The following CMYA5 variants were observed in gnomAD, a reference collection of about 807,000 sequenced individuals.
CMYA5 encodes cardiomyopathy-associated protein 5.
CMYA5 carries 246 observed loss-of-function variants against 318.9 expected under a neutral mutation model. The observed-to-expected ratio is 0.77, with a 90% confidence interval of 0.70 to 0.86. CMYA5 has a LOEUF of 0.86. Ranked by LOEUF, CMYA5 falls within the 40% of genes least tolerant of loss-of-function variation. The pLI, the probability that CMYA5 is intolerant of heterozygous loss-of-function variation, is 0.00. For missense variants in CMYA5, 4,589 were observed against 4,678.2 expected, an observed-to-expected ratio of 0.98 and a Z score of 0.56; for synonymous variants, 1,641 against 1,729.5, an observed-to-expected ratio of 0.95 and a Z score of 1.27.
At position 79,729,221 on chromosome 5, in the gene CMYA5, A is replaced by G. The variant is rs750886227; in HGVS notation, c.456A>G (p.Lys152=). ...SPSLRRKGNR[K]RNSFESQDVP... ...CATTACGCCGGAAAGGCAACAGAAA[A>G]AGAAATTCTTTTGAATCCCAAGATG... is the stretch of plus-strand genomic sequence containing the variant. The change falls in exon 2 of 13, where the codon AAA becomes AAG. Residue 152 remains lysine, a synonymous_variant. Coordinates refer to ENST00000446378, the MANE Select transcript of CMYA5 (RefSeq NM_153610.5). 1 of 1,613,020 alleles carries G rather than the reference A, an allele frequency of 6.2e-7. No homozygotes were observed. Among genetic ancestry groups the G allele is most frequent in the Non-Finnish European group, 8.5e-7 (1 of 1,179,656 alleles).
intron 1 of CMYA5, among the ~76,000 whole-genome samples, chr5:79,695,287 A>G (rs921965865): frequency 6.6e-6 from 1 of 152,248 alleles, no homozygotes; most frequent in Non-Finnish European, 1.5e-5. Flanking sequence ...GGTGAGCCAC[A>G]TATTTAATTT....
At chr5:79,757,116 A>T (rs1408714170) in intron 6 of CMYA5, among the ~76,000 whole-genome samples, 1 of 148,962 alleles carries the variant, frequency 6.7e-6, no homozygotes, top group Non-Finnish European at 1.5e-5. Flanking sequence ...AATTGATTGA[A>T]CCCAGGAGGT....
chr5:79,762,064 G>A (rs1828663782), intron 8 of CMYA5, 107 bp downstream of exon 8: 1 of 1,236,638 alleles, frequency 8.1e-7, no homozygotes, highest in African/African-American at 1.5e-5. Flanking sequence ...TGTGTTGAGT[G>A]TTGTGCAAAG....
At position 79,738,976 on chromosome 5, in the gene CMYA5, C is replaced by T; in HGVS notation, c.10211C>T (p.Pro3404Leu). Residue 3404 changes from proline (P) to leucine (L), a missense_variant, in exon 2 of 13, where the codon CCA becomes CTA. By Grantham distance (98) the Pro-to-Leu change is moderately conservative. This residue lies in a region of CMYA5 where 2,431 missense variants were observed against 2,495.1 expected (regional missense o/e 0.97). Transcript: ENST00000446378. ...CTAGAAGAACCTAAAATCCTGGTCCCACCTGAGCCAAGTGAAGAGAGGCTC... is the reference window on the plus strand; with the variant it reads ...CTAGAAGAACCTAAAATCCTGGTCCTACCTGAGCCAAGTGAAGAGAGGCTC... ...TSLEEPKILV[P>L]PEPSEERLRN... The T allele has an allele frequency of 1.2e-6, 2 of 1,613,868 alleles. No individual in the cohort carries two copies. Among genetic ancestry groups the T allele is most frequent in the Non-Finnish European group, 1.7e-6 (2 of 1,179,840 alleles).
intron 8 of CMYA5, 38 bp downstream of exon 8, chr5:79,761,995 C>T (rs201522128): frequency 1.9e-4 from 305 of 1,588,372 alleles, no homozygotes; most frequent in Non-Finnish European, 2.3e-4. Context: ...TAGAAGACAA[C>T]GCTCAGTTCT....
rs551925528 is a variant in CMYA5, at chr5:79,730,304, A to G, written c.1539A>G (p.Leu513=). 20 of 1,613,718 alleles carry G rather than the reference A, an allele frequency of 1.2e-5. 1 individual carries two copies. The highest frequency in any genetic ancestry group is 6.7e-5 in the African/African-American group (5 of 74,854). ...AGAAAGAAGAAATAGAAACTTCCCT[A>G]CCCATAGCTATTACCCCTGAACCTG... The part of the protein sequence containing the change: ...EPEKEEIETS[L]PIAITPEPED... Residue 513 remains leucine, a synonymous_variant, in exon 2 of 13, where the codon CTA becomes CTG. Coordinates refer to ENST00000446378, the MANE Select transcript of CMYA5 (RefSeq NM_153610.5).
intron 11 of CMYA5, 69 bp downstream of exon 11, chr5:79,791,138 G>T (rs1377059408): frequency 1.9e-6 from 2 of 1,075,660 alleles, no homozygotes; most frequent in East Asian, 4.9e-5. Flanking sequence ...TGTCGCCTCA[G>T]GGTGGCCTCC....
At chr5:79,795,804 AG>A in intron 12 of CMYA5, among the ~76,000 whole-genome samples, 1 of 152,258 alleles carries the variant, frequency 6.6e-6, no homozygotes, top group South Asian at 2.1e-4. Context: ...CAAGGGAGTA[AG>A]GGTCCTCAGT....
In CMYA5 at chr5:79,732,966, C is replaced by T. The variant is rs867350941; in HGVS notation, c.4201C>T (p.Pro1401Ser). ...AAAGGGTGAATTAGGAAGTGGTTTG[C>T]CACCACTGGTAACATCTGCAGATGA... Reference protein sequence around the residue: ...VGKGELGSGLPPLVTSADEHS... With the variant: ...VGKGELGSGLSPLVTSADEHS... The change falls in exon 2 of 13, where the codon CCA becomes TCA. Residue 1401 changes from proline to serine, a missense_variant. Around this residue, in one of 3 missense-constraint regions of CMYA5, gnomAD observed 2,132 missense variants for 2,131.3 expected, o/e 1.00. Transcript: ENST00000446378. 1 of 1,612,796 alleles carries T rather than the reference C, an allele frequency of 6.2e-7. No individual in the cohort carries two copies. Among genetic ancestry groups the T allele is most frequent in the Non-Finnish European group, 8.5e-7 (1 of 1,179,246 alleles).
intron 1 of CMYA5, among the ~76,000 whole-genome samples, chr5:79,723,238 A>G (rs1827676405): frequency 6.6e-6 from 1 of 152,008 alleles, no homozygotes; most frequent in Non-Finnish European, 1.5e-5. Flanking sequence ...CAGGAGTTTG[A>G]GACCAGCCTG....
intron 12 of CMYA5, among the ~76,000 whole-genome samples, chr5:79,795,449 G>A (rs550587034): frequency 6.6e-6 from 1 of 152,118 alleles, no homozygotes; most frequent in Non-Finnish European, 1.5e-5. Context: ...GAGTCTGCTG[G>A]TTTCCTTCCT....
chr5:79,727,292 G>C (rs1827769263), intron 1 of CMYA5, among the ~76,000 whole-genome samples: 2 of 152,118 alleles, frequency 1.3e-5, no homozygotes. Flanking sequence ...GTGAAGACCA[G>C]ACCCTCGTAC....
chr5:79,729,393 A>G lies in CMYA5; in HGVS notation c.628A>G (p.Lys210Glu), dbSNP rs1371221352. The G allele has an allele frequency of 6.2e-7, 1 of 1,613,942 alleles. No homozygotes were observed. The change falls in exon 2 of 13, where the codon AAA (lysine) becomes GAA (glutamate). Residue 210 changes from lysine to glutamate, a missense_variant. Physicochemically the swap from Lys to Glu is moderately conservative, Grantham distance 56 (BLOSUM62 1). Coordinates refer to ENST00000446378, the MANE Select transcript of CMYA5 (RefSeq NM_153610.5). The part of the protein sequence containing the change: ...NTPPITGAIY[K>E]EHKPLVLRPV... ...ACCTCCGATTACTGGGGCAATATAC[A>G]AAGAACACAAGCCATTAGTGTTAAG...
At chr5:79,690,206 G>A in intron 1 of CMYA5, 150 bp downstream of exon 1, 1 of 1,214,266 alleles carries the variant, frequency 8.2e-7, no homozygotes, top group Non-Finnish European at 1.1e-6. Context: ...AGAACTTGAA[G>A]GTGAAGGTGC....
chr5:79,747,294 A>G (rs1828348139), intron 5 of CMYA5, among the ~76,000 whole-genome samples, 181 bp downstream of exon 5: 1 of 152,214 alleles, frequency 6.6e-6, no homozygotes, highest in South Asian at 2.1e-4. Flanking sequence ...AGAAAACTGC[A>G]TGTGCTTTAG....
At chr5:79,791,156 A>G (rs369976609) in intron 11 of CMYA5, 87 bp downstream of exon 11, 20 of 800,404 alleles carry the variant, frequency 2.5e-5, no homozygotes, top group African/African-American at 1.4e-4. Context: ...TCCGCTGAGC[A>G]TATTCATGGT....
At chr5:79,750,986 G>A (rs1828418846) in intron 5 of CMYA5, among the ~76,000 whole-genome samples, 1 of 152,002 alleles carries the variant, frequency 6.6e-6, no homozygotes, top group African/African-American at 2.4e-5. Flanking sequence ...CACCATTTTT[G>A]TTCATTCTGA....
rs201559535 is a variant in CMYA5 at position 79,761,786 on chromosome 5, C to T, written c.11261-25C>T. 753 of 1,592,222 alleles carry T rather than the reference C, an allele frequency of 4.7e-4. 1 individual carries two copies. The highest frequency in any genetic ancestry group is 2.9e-3 in the Middle Eastern group (17 of 5,938). On this transcript the variant is annotated intron_variant, in intron 7 of 12. Transcript: ENST00000446378. ...TTTAATTAACTTTGGAAGATGTCTT[C>T]GATTTTAATTGTGTCTTATGCTAGA... is the stretch of plus-strand genomic sequence containing the variant.
chr5:79,771,470 T>C (rs1459400891), intron 9 of CMYA5, among the ~76,000 whole-genome samples: 1 of 152,180 alleles, frequency 6.6e-6, no homozygotes, highest in East Asian at 1.9e-4. Context: ...ACTCATTCCC[T>C]TAATGGCATC....
Sources: allele counts gnomAD v4.1 joint callset (sites outside exome capture counted in the v4.1 genomes callset), GRCh38; gene constraint gnomAD v4.1.1; regional missense constraint gnomAD v4.1.1; transcripts MANE v1.5; gene names NCBI Gene and HGNC (gene_info 2026-07-23, HGNC 2026-07-21).